THSD4: variants seen among roughly 807,000 people sequenced by gnomAD.
THSD4 encodes the protein thrombospondin type-1 domain-containing protein 4.
In THSD4, 69 loss-of-function variants were observed where a neutral mutation model predicts 119.0. The observed-to-expected ratio is 0.58, with a 90% CI of 0.48 to 0.71. THSD4 has a LOEUF of 0.71. THSD4 is among the 30% of genes least tolerant of loss of function. The pLI, the probability that THSD4 is intolerant of heterozygous loss-of-function variation, is 0.00. For synonymous variants in THSD4, 524 were observed against 540.4 expected (o/e 0.97, Z 0.42); for missense variants, 1,393 against 1,391.1 (o/e 1.00, Z -0.02).
At chr15:71,154,589 C>T (rs1197048961) in intron 2 of THSD4, among the ~76,000 whole-genome samples, 1 of 152,200 alleles carries the variant, frequency 6.6e-6, no homozygotes, top group African/African-American at 2.4e-5. Flanking sequence ...GAGACTGAGA[C>T]TTAGAGAGGT....
At chr15:71,180,871 A>G (rs1279094276) in intron 3 of THSD4, among the ~76,000 whole-genome samples, 2 of 152,190 alleles carry the variant, frequency 1.3e-5, no homozygotes, top group Non-Finnish European at 1.5e-5. Flanking sequence ...TCTTAAAAGT[A>G]TAAGAATTCA....
At position 71,758,058 on chromosome 15, in the gene THSD4, G is replaced by T; in HGVS notation, c.2572G>T (p.Ala858Ser). 6.3e-7 allele frequency: 1 copy of T among 1,587,338 alleles called. No homozygotes were observed. Among genetic ancestry groups the T allele is most frequent in the Non-Finnish European group, 8.6e-7 (1 of 1,166,040 alleles). Residue 858 changes from alanine to serine, a missense_variant, in exon 15 of 18, where the codon GCC becomes TCC. By Grantham distance (99) the Ala-to-Ser change is moderately conservative. Transcript: ENST00000261862. ...GPCTGKVEWF[A>S]GSWSQCSIEC... ...CTGCACGGGCAAGGTGGAGTGGTTTGCCGGGAGCTGGAGTCAGGTGAGTGG... is the reference window on the plus strand; with the variant it reads ...CTGCACGGGCAAGGTGGAGTGGTTTTCCGGGAGCTGGAGTCAGGTGAGTGG...
At chr15:71,739,830 C>CTTTT (rs548898828) in intron 11 of THSD4, among the ~76,000 whole-genome samples, 1 of 142,374 alleles carries the variant, frequency 7.0e-6, no homozygotes, top group Non-Finnish European at 1.5e-5. Context: ...CTTTGCTTTG[C>CTTTT]TTTTTTTTTT....
intron 8 of THSD4, among the ~76,000 whole-genome samples, chr15:71,685,217 TAA>T (rs1051112027): frequency 4.6e-5 from 7 of 151,792 alleles, no homozygotes; most frequent in African/African-American, 1.5e-4. Context: ...AAAAAAGAAA[TAA>T]GAGTATTTAA....
At chr15:71,431,128 G>A (rs1475060351) in intron 7 of THSD4, among the ~76,000 whole-genome samples, 1 of 152,174 alleles carries the variant, frequency 6.6e-6, no homozygotes, top group Non-Finnish European at 1.5e-5. Flanking sequence ...CCCAATTGCT[G>A]TAAACTTTAA....
At chr15:71,244,099 T>C (rs2044178743) in intron 5 of THSD4, among the ~76,000 whole-genome samples, 1 of 152,190 alleles carries the variant, frequency 6.6e-6, no homozygotes. Context: ...CTCAGCACTT[T>C]TTCTACTAAC....
chr15:71,265,796 G>A (rs1379004513), intron 6 of THSD4, among the ~76,000 whole-genome samples: 1 of 152,158 alleles, frequency 6.6e-6, no homozygotes, highest in Non-Finnish European at 1.5e-5. Context: ...CATTACTGAG[G>A]CTTGAGTAGT....
At chr15:71,419,726 A>G (rs1186399202) in intron 7 of THSD4, among the ~76,000 whole-genome samples, 1 of 107,854 alleles carries the variant, frequency 9.3e-6, no homozygotes, top group Non-Finnish European at 2.0e-5. Flanking sequence ...TAATTTCTTC[A>G]TTGACCCACT....
intron 2 of THSD4, among the ~76,000 whole-genome samples, chr15:71,144,244 T>C (rs929504683): frequency 1.3e-5 from 2 of 152,194 alleles, no homozygotes; most frequent in Non-Finnish European, 2.9e-5. Flanking sequence ...ATAAACCAGG[T>C]GCACATCAAC....
chr15:71,438,505 C>G (rs2047045929), intron 7 of THSD4, among the ~76,000 whole-genome samples: 1 of 152,152 alleles, frequency 6.6e-6, no homozygotes, highest in Non-Finnish European at 1.5e-5. Flanking sequence ...TTACCTTTTA[C>G]ATTAATTCAT....
chr15:71,463,774 C>G (rs553391256), intron 7 of THSD4, among the ~76,000 whole-genome samples: 5 of 152,198 alleles, frequency 3.3e-5, no homozygotes, highest in Non-Finnish European at 7.3e-5. Flanking sequence ...AATCTCTTAA[C>G]TCCTCCTCAG....
intron 6 of THSD4, among the ~76,000 whole-genome samples, chr15:71,368,382 T>C (rs544520545): frequency 6.6e-6 from 1 of 152,374 alleles, no homozygotes; most frequent in Non-Finnish European, 1.5e-5. Flanking sequence ...TGAATGTAAT[T>C]GCCTAGGTTT....
intron 5 of THSD4, among the ~76,000 whole-genome samples, chr15:71,248,203 C>T (rs937633200): frequency 1.3e-5 from 2 of 152,088 alleles, no homozygotes; most frequent in Non-Finnish European, 2.9e-5. Flanking sequence ...ATTGTTTGAG[C>T]CCAGGAGTTG....
Position 71,681,109 on chromosome 15 carries a change from G to A in THSD4, c.1357+20375G>A, listed in dbSNP as rs114883102. Reference sequence around the variant, plus strand: ...ATTTTTGTATTTTAGTAGAGACAGTGTCACCATGTGGGCTAGGGTGGTCTT... The same window carrying A: ...ATTTTTGTATTTTAGTAGAGACAGTATCACCATGTGGGCTAGGGTGGTCTT... On this transcript the variant is annotated intron_variant, in intron 8 of 17. Coordinates refer to ENST00000261862, the MANE Select transcript of THSD4 (RefSeq NM_024817.3). Among the ~76,000 whole-genome samples, 139 of 151,822 alleles carry A rather than the reference G, an allele frequency of 9.2e-4. 1 individual carries two copies. The highest frequency in any genetic ancestry group is 3.3e-3 in the African/African-American group (138 of 41,462).
intron 8 of THSD4, among the ~76,000 whole-genome samples, chr15:71,663,561 G>A (rs1438701658): frequency 1.3e-5 from 2 of 152,136 alleles, no homozygotes; most frequent in Non-Finnish European, 2.9e-5. Context: ...TGAAGTGTAC[G>A]TTGGTTACGG....
intron 14 of THSD4, among the ~76,000 whole-genome samples, chr15:71,756,434 A>G (rs947728419): frequency 6.6e-6 from 1 of 152,206 alleles, no homozygotes; most frequent in African/African-American, 2.4e-5. Flanking sequence ...GAAGGTGTAC[A>G]TGCTGGATTC....
intron 8 of THSD4, among the ~76,000 whole-genome samples, chr15:71,695,444 G>A (rs2052143401): frequency 6.6e-6 from 1 of 151,336 alleles, no homozygotes; most frequent in African/African-American, 2.4e-5. Context: ...TGGGCAGCAG[G>A]CATTAGATTT....
At chr15:71,372,245 A>G (rs1180273200) in intron 6 of THSD4, among the ~76,000 whole-genome samples, 1 of 152,066 alleles carries the variant, frequency 6.6e-6, no homozygotes, top group African/African-American at 2.4e-5. Flanking sequence ...TAGTTCAGAG[A>G]AGTTTGATCG....
chr15:71,470,422 A>G (rs2047559053), intron 7 of THSD4, among the ~76,000 whole-genome samples: 1 of 152,232 alleles, frequency 6.6e-6, no homozygotes, highest in African/African-American at 2.4e-5. Flanking sequence ...AGTGATAACC[A>G]CTGCTAGAAA....
Sources: allele counts gnomAD v4.1 joint callset (sites outside exome capture counted in the v4.1 genomes callset), GRCh38; gene constraint gnomAD v4.1.1; transcripts MANE v1.5; gene names NCBI Gene and HGNC (gene_info 2026-07-23, HGNC 2026-07-21).